RBFOX2: variants seen among roughly 807,000 people sequenced by gnomAD.
RBFOX2 encodes RNA binding fox-1 homolog 2.
A neutral mutation model predicts 49.1 loss-of-function variants in RBFOX2; 10 were observed. That is an observed-to-expected ratio of 0.20 (90% CI 0.13 to 0.35). The LOEUF is 0.35. Ranked by LOEUF, RBFOX2 falls within the 10% of genes least tolerant of loss-of-function variation. The pLI is 1.00. For synonymous variants in RBFOX2, 183 were observed against 187.4 expected (o/e 0.98, Z 0.19); for missense variants, 323 against 486.9 (o/e 0.66, Z 3.17).
chr22:35,815,165 G>A (rs772642558), intron 1 of RBFOX2, among the ~76,000 whole-genome samples: 4 of 152,194 alleles, frequency 2.6e-5, no homozygotes, highest in Non-Finnish European at 5.9e-5. Context: ...ATGGAATGTA[G>A]TAAAACAGAA....
rs188584571 is a variant in RBFOX2, at chr22:35,883,068, A to T, written c.-34+55779T>A. Among the ~76,000 whole-genome samples the T allele has an allele frequency of 3.1e-4, 47 of 152,328 alleles. 1 individual carries two copies. In the East Asian group the frequency reaches 8.5e-3, roughly 27 times the overall value. On this transcript the variant is annotated intron_variant, in intron 1 of 13. Transcript: ENST00000359369. ...CTGAAAGTTCCTTGATTAGGTCTCA[A>T]CACTGGGAAAAGAATTCTCCATGAC...
intron 1 of RBFOX2, among the ~76,000 whole-genome samples, chr22:35,953,210 C>CAAAAAAAA (rs34387129): frequency 1.3e-4 from 3 of 22,398 alleles, no homozygotes; most frequent in African/African-American, 3.8e-4. Context: ...GACTCCATCT[C>CAAAAAAAA]AAAAAAAAAA....
intron 1 of RBFOX2, among the ~76,000 whole-genome samples, chr22:35,914,738 G>A (rs1289347200): frequency 6.6e-6 from 1 of 152,132 alleles, no homozygotes; most frequent in Non-Finnish European, 1.5e-5. Context: ...AAAGGGGTGG[G>A]GAAGAGGAAA....
chr22:35,951,236 C>T (rs939473119), intron 1 of RBFOX2, among the ~76,000 whole-genome samples: 7 of 123,052 alleles, frequency 5.7e-5, no homozygotes, highest in South Asian at 2.5e-4. Context: ...TTACCGCACC[C>T]GGCCCTTTTT....
intron 1 of RBFOX2, among the ~76,000 whole-genome samples, chr22:35,831,529 T>C (rs546641675): frequency 3.9e-5 from 6 of 152,340 alleles, no homozygotes; most frequent in African/African-American, 1.4e-4. Context: ...TGTCCGTAAA[T>C]AGTTTTACTG....
At chr22:35,753,771 C>CTTTT (rs869178693) in intron 9 of RBFOX2, among the ~76,000 whole-genome samples, 11 of 54,508 alleles carry the variant, frequency 2.0e-4, no homozygotes, top group Non-Finnish European at 2.8e-4. Context: ...GTAGACAAGT[C>CTTTT]TTTTTTTTTT....
chr22:35,895,069 C>T (rs183279715), intron 1 of RBFOX2, among the ~76,000 whole-genome samples: 7 of 152,014 alleles, frequency 4.6e-5, no homozygotes, highest in Non-Finnish European at 8.8e-5. Flanking sequence ...ACCCTCCCTC[C>T]GTCCCTCCCT....
At chr22:35,999,244 A>C (rs982612588) in intron 1 of RBFOX2, 2 of 152,202 alleles carry the variant, frequency 1.3e-5, no homozygotes, top group East Asian at 3.9e-4. Context: ...TTATGGTCTA[A>C]TGGCAACGTA....
chr22:35,750,059 T>A (rs1306489946), intron 9 of RBFOX2, among the ~76,000 whole-genome samples: 1 of 152,106 alleles, frequency 6.6e-6, no homozygotes, highest in African/African-American at 2.4e-5. Context: ...AAACAGTCAG[T>A]CACCACTTGA....
At chr22:35,891,733 A>G (rs1328862806) in intron 1 of RBFOX2, among the ~76,000 whole-genome samples, 1 of 152,162 alleles carries the variant, frequency 6.6e-6, no homozygotes, top group Non-Finnish European at 1.5e-5. Context: ...TAATCATCAA[A>G]CAAGTAAGTT....
chr22:35,898,149 C>G, intron 1 of RBFOX2: 1 of 744,540 alleles, frequency 1.3e-6, no homozygotes, highest in Non-Finnish European at 2.5e-6. Flanking sequence ...ATGTATCACA[C>G]CGATAGGGTA....
chr22:35,978,096 G>A (rs1022249916), intron 1 of RBFOX2, among the ~76,000 whole-genome samples: 3 of 152,106 alleles, frequency 2.0e-5, no homozygotes, highest in African/African-American at 4.8e-5. Context: ...GTCAGCCATC[G>A]CGGTTGGAAA....
At chr22:35,929,271 C>G (rs1299382756) in intron 1 of RBFOX2, among the ~76,000 whole-genome samples, 32 of 152,062 alleles carry the variant, frequency 2.1e-4, no homozygotes, top group Admixed American at 2.1e-3. Context: ...GCATGAGCCA[C>G]CACACTGGCT....
intron 11 of RBFOX2, among the ~76,000 whole-genome samples, chr22:35,744,841 C>G (rs1483965345): frequency 6.6e-6 from 1 of 152,190 alleles, no homozygotes; most frequent in East Asian, 1.9e-4. Context: ...GGGGTTTTAA[C>G]TAGGCTTTAT....
chr22:35,980,837 G>A (rs1380853644), intron 1 of RBFOX2, among the ~76,000 whole-genome samples: 7 of 152,162 alleles, frequency 4.6e-5, no homozygotes, highest in Non-Finnish European at 8.8e-5. Flanking sequence ...GAATGGGATC[G>A]GGCTCAGGAA....
At chr22:36,028,188 G>T in intron 1 of RBFOX2, 52 bp downstream of exon 1, 1 of 1,412,532 alleles carries the variant, frequency 7.1e-7, no homozygotes, top group Non-Finnish European at 9.2e-7. Context: ...GCCCGGTGTC[G>T]ACCCTCACGC....
chr22:35,941,302 C>G (rs1296486404), upstream of RBFOX2, among the ~76,000 whole-genome samples: 1 of 152,088 alleles, frequency 6.6e-6, no homozygotes, highest in Non-Finnish European at 1.5e-5. Context: ...ATGATGATAA[C>G]CCCCCAGTTA....
intron 1 of RBFOX2, among the ~76,000 whole-genome samples, chr22:35,918,839 T>C (rs901478178): frequency 2.6e-5 from 4 of 152,158 alleles, no homozygotes; most frequent in African/African-American, 7.2e-5. Flanking sequence ...CCTAGGCCTT[T>C]AGCTGCAATT....
intron 1 of RBFOX2, among the ~76,000 whole-genome samples, chr22:36,013,920 G>T (rs2058930884): frequency 6.6e-6 from 1 of 151,968 alleles, no homozygotes; most frequent in African/African-American, 2.4e-5. Flanking sequence ...TTAGAGTTAG[G>T]AATTAACTTA....
Sources: gnomAD v4.1 joint callset for allele counts (sites outside exome capture counted in the v4.1 genomes callset) on GRCh38, gnomAD v4.1.1 for gene constraint, MANE v1.5 for transcripts, NCBI Gene and HGNC (gene_info 2026-07-23, HGNC 2026-07-21) for gene names.